Variants in TRIM63 observed in about 807,000 individuals in gnomAD.
TRIM63 encodes the protein tripartite motif containing 63.
A neutral mutation model predicts 46.0 loss-of-function variants in TRIM63; 48 were observed. The observed-to-expected ratio is 1.04, with a 90% CI of 0.83 to 1.33. The LOEUF is 1.33. TRIM63 is among the 40% of genes most tolerant of loss of function. The probability of loss-of-function intolerance (pLI) is 0.00; values close to 1 mark genes in which losing one functional copy is unlikely to be tolerated. For synonymous variants in TRIM63, 175 were observed against 162.8 expected, an observed-to-expected ratio of 1.08 and a Z score of -0.57; for missense variants, 455 against 441.2, an observed-to-expected ratio of 1.03 and a Z score of -0.28.
intron 4 of TRIM63, among the ~76,000 whole-genome samples, 191 bp from the exon 5 acceptor site, chr1:26,058,814 C>A (rs999347826): frequency 6.6e-6 from 1 of 152,142 alleles, no homozygotes; most frequent in African/African-American, 2.4e-5. Flanking sequence ...CTATTTAGTA[C>A]GCCAGTGATA....
chr1:26,060,931 C>T (rs542948955), intron 3 of TRIM63, among the ~76,000 whole-genome samples: 1 of 152,124 alleles, frequency 6.6e-6, no homozygotes. Context: ...GGCGTCTGAC[C>T]GCTCCCCTGT....
intron 2 of TRIM63, among the ~76,000 whole-genome samples, chr1:26,063,244 T>C (rs1028006297): frequency 7.0e-6 from 1 of 143,664 alleles, no homozygotes; most frequent in African/African-American, 2.6e-5. Flanking sequence ...GATTCGATTT[T>C]TTGAGTCTTC....
chr1:26,059,698 A>G (rs1569736913), intron 4 of TRIM63, among the ~76,000 whole-genome samples: 1 of 152,106 alleles, frequency 6.6e-6, no homozygotes, highest in African/African-American at 2.4e-5. Flanking sequence ...CCCTACCCCA[A>G]GTGAACATGG....
At position 26,066,296 on chromosome 1, in the gene TRIM63, T is replaced by C; in HGVS notation, c.304A>G (p.Ile102Val). 6 of 1,614,030 alleles carry C rather than the reference T, an allele frequency of 3.7e-6. No homozygotes were observed. The highest frequency in any genetic ancestry group is 5.1e-6 in the Non-Finnish European group (6 of 1,179,990). Reference protein sequence around the residue: ...LQRNLLVENIIDIYKQECSSR... With the variant: ...LQRNLLVENIVDIYKQECSSR... ...GAGCACTCCTGTTTGTAGATGTCGATGATGTTCTCCACCAGCAGGTTCCTC... is the reference window on the plus strand; with the variant it reads ...GAGCACTCCTGTTTGTAGATGTCGACGATGTTCTCCACCAGCAGGTTCCTC... Residue 102 changes from isoleucine (I) to valine (V), a missense_variant, in exon 2 of 9, where the codon ATC (isoleucine) becomes GTC (valine). Coordinates refer to ENST00000374272, the MANE Select transcript of TRIM63 (RefSeq NM_032588.4).
intron 1 of TRIM63, 89 bp downstream of exon 1, chr1:26,067,247 A>G (rs925653181): frequency 1.3e-6 from 2 of 1,487,422 alleles, no homozygotes; most frequent in Admixed American, 1.9e-5. Context: ...GAGGCTGTCC[A>G]GGTTGGAAGT....
chr1:26,064,820 G>A (rs976675762), intron 2 of TRIM63, among the ~76,000 whole-genome samples: 1 of 152,186 alleles, frequency 6.6e-6, no homozygotes, highest in Non-Finnish European at 1.5e-5. Flanking sequence ...CAGTTCCCCG[G>A]GTCAGGGTTT....
At chr1:26,064,203 G>A (rs1273765147) in intron 2 of TRIM63, among the ~76,000 whole-genome samples, 1 of 152,170 alleles carries the variant, frequency 6.6e-6, no homozygotes, top group Non-Finnish European at 1.5e-5. Context: ...GGCTGAGGCG[G>A]GCAGATCACC....
At position 26,051,543 on chromosome 1, in the gene TRIM63, C is replaced by A. The variant is rs755649241; in HGVS notation, c.*330G>T. On this transcript the variant is annotated 3_prime_UTR_variant, in exon 9 of 9. Transcript: ENST00000374272. ...GCATTATTATACAAAAGTTCCTTTA[C>A]AAAAAGCACCAAATTGGCATACATA... 9.4e-6 allele frequency: 2 copies of A among 213,768 alleles called. No homozygotes were observed. The highest frequency in any genetic ancestry group is 1.9e-5 in the Non-Finnish European group (2 of 108,096). The allele number at this position is 213,768 out of a possible 1,614,324, so 13.2% of individuals were successfully genotyped here.
chr1:26,067,250 T>C (rs1380859829), intron 1 of TRIM63, 86 bp downstream of exon 1: 19 of 1,508,002 alleles, frequency 1.3e-5, no homozygotes, highest in Non-Finnish European at 1.6e-5. Flanking sequence ...GCTGTCCAGG[T>C]TGGAAGTCTA....
At position 26,058,538 on chromosome 1, in the gene TRIM63, A is replaced by G. The variant is rs2050593692; in HGVS notation, c.683T>C (p.Leu228Pro). Residue 228 changes from leucine to proline, a missense_variant, in exon 5 of 9, where the codon CTG (leucine) becomes CCG (proline). Leu to Pro is a moderately conservative substitution (Grantham distance 98). Transcript: ENST00000374272. ...AILDEKKSEL[L>P]QRITQEQEKK... The stretch of plus-strand genomic sequence containing the variant: ...CTCCTGCTCCTGCGTGATCCGCTGC[A>G]GCAACTCACTTTTCTTCTCATCCAG... 1 of 1,614,084 alleles carries G rather than the reference A, an allele frequency of 6.2e-7. No individual in the cohort carries two copies. Among genetic ancestry groups the G allele is most frequent in the Admixed American group, 1.7e-5 (1 of 60,006 alleles).
rs2050525525 is a variant in TRIM63 at position 26,051,815 on chromosome 1, CCCCTCCCCA to C, written c.*49_*57del. ...TGGGCCTGTCACCAAGGCCGCTGGG[CCCCTCCCCA>C]CCCTCTCCAGTCTCTCTGCATCTGG... On this transcript the variant is annotated 3_prime_UTR_variant, in exon 9 of 9. Coordinates refer to ENST00000374272, the MANE Select transcript of TRIM63 (RefSeq NM_032588.4). The C allele has an allele frequency of 2.2e-6, 1 of 445,812 alleles. No homozygotes were observed. The highest frequency in any genetic ancestry group is 2.2e-5 in the African/African-American group (1 of 45,912). 27.6% of individuals were successfully genotyped at this position (445,812 alleles called of 1,614,324 possible).
intron 4 of TRIM63, among the ~76,000 whole-genome samples, chr1:26,059,993 T>C (rs750746098): frequency 2.8e-4 from 43 of 152,202 alleles, no homozygotes; most frequent in South Asian, 8.3e-4. Flanking sequence ...CTGAGAATTA[T>C]TGATGGGACA....
rs2050544976 is a variant in TRIM63, at chr1:26,053,877, T to C, written c.1051+16A>G. On this transcript the variant is annotated intron_variant, in intron 8 of 8. Transcript: ENST00000374272. ...GAATGAAGGAACGAAGGAATGGAGG[T>C]AGATGAATTTCTTACCTTCTTCCTT... 6 of 1,566,490 alleles carry C rather than the reference T, an allele frequency of 3.8e-6. No individual in the cohort carries two copies. Among genetic ancestry groups the C allele is most frequent in the Middle Eastern group, 1.7e-4 (1 of 5,988 alleles).
At position 26,057,109 on chromosome 1, in the gene TRIM63, G is replaced by A. The variant is rs2050579131; in HGVS notation, c.979+94C>T. 4 of 1,478,128 alleles carry A rather than the reference G, an allele frequency of 2.7e-6. No homozygotes were observed. In the South Asian group the frequency reaches 4.9e-5, roughly 18 times the overall value. The allele number at this position is 1,478,128 out of a possible 1,614,324, so 91.6% of individuals were successfully genotyped here. ...GATTGATATTTGGGGATCTTTATTA[G>A]TGTATCTGCCTCCCCATCGGGCTCA... On this transcript the variant is annotated intron_variant, in intron 7 of 8. Coordinates refer to ENST00000374272, the MANE Select transcript of TRIM63 (RefSeq NM_032588.4).
chr1:26,055,604 G>A (rs759826269), intron 7 of TRIM63, among the ~76,000 whole-genome samples: 5 of 150,842 alleles, frequency 3.3e-5, no homozygotes, highest in Admixed American at 2.0e-4. Context: ...TCCTCCTCCC[G>A]GATTCAAGCA....
chr1:26,062,270 C>CAAAA (rs61219158), intron 2 of TRIM63, among the ~76,000 whole-genome samples: 2 of 94,322 alleles, frequency 2.1e-5, no homozygotes, highest in Non-Finnish European at 4.9e-5. Context: ...AACTCCGTCT[C>CAAAA]AAAAAAAAAA....
At position 26,067,322 on chromosome 1, in the gene TRIM63, C is replaced by T; in HGVS notation, c.159+14G>A. 1.2e-6 allele frequency: 2 copies of T among 1,612,956 alleles called. No homozygotes were observed. Among genetic ancestry groups the T allele is most frequent in the African/African-American group, 1.3e-5 (1 of 75,022 alleles). On this transcript the variant is annotated intron_variant, in intron 1 of 8. Transcript: ENST00000374272. ...CACCTGGGGACCCCAAATGAAGCTG[C>T]ACCCGGCACTTACCTGGAAGATGTC...
intron 4 of TRIM63, 46 bp downstream of exon 4, chr1:26,060,220 C>A: frequency 6.4e-7 from 1 of 1,569,658 alleles, no homozygotes; most frequent in South Asian, 1.1e-5. Flanking sequence ...ACCAGGCTGC[C>A]CTGGAAAGCT....
rs140448843 is a variant in TRIM63, at chr1:26,057,314, A to G, written c.868T>C (p.Ser290Pro). ...GTCTTCCCCAGCTGGCAGCCCTTGGAAGCTTCCACAATGCTGCAGGGGAGA... is the reference window on the plus strand; with the variant it reads ...GTCTTCCCCAGCTGGCAGCCCTTGGGAGCTTCCACAATGCTGCAGGGGAGA... Reference protein sequence around the residue: ...KQLIKSIVEASKGCQLGKTEQ... With the variant: ...KQLIKSIVEAPKGCQLGKTEQ... The change falls in exon 7 of 9, where the codon TCC (serine) becomes CCC (proline). Residue 290 changes from serine (S) to proline (P), a missense_variant. Ser to Pro is a moderately conservative substitution (Grantham distance 74). Transcript: ENST00000374272. The G allele has an allele frequency of 6.2e-7, 1 of 1,614,094 alleles. No homozygotes were observed. Among genetic ancestry groups the G allele is most frequent in the Non-Finnish European group, 8.5e-7 (1 of 1,180,004 alleles).
Sources: gnomAD v4.1 joint callset for allele counts (sites outside exome capture counted in the v4.1 genomes callset) on GRCh38, gnomAD v4.1.1 for gene constraint, MANE v1.5 for transcripts, NCBI Gene and HGNC (gene_info 2026-07-23, HGNC 2026-07-21) for gene names.